Variants in DOP1A observed in about 807,000 individuals in gnomAD.
DOP1A encodes the protein DOP1 leucine zipper like protein A, also known as protein DOP1A.
A neutral mutation model predicts 267.6 loss-of-function variants in DOP1A; 90 were observed. That is an observed-to-expected ratio of 0.34 (90% CI 0.28 to 0.40). The LOEUF (loss-of-function observed/expected upper bound fraction) is 0.40, where lower values mean the gene tolerates loss of function less well. Ranked by LOEUF, DOP1A falls within the 10% of genes least tolerant of loss-of-function variation. The pLI is 1.00. For synonymous variants in DOP1A, 932 were observed against 999.1 expected, an observed-to-expected ratio of 0.93 and a Z score of 1.27; for missense variants, 2,437 against 2,900.4, an observed-to-expected ratio of 0.84 and a Z score of 3.67.
chr6:83,099,461 T>C (rs1333753510), intron 3 of DOP1A, among the ~76,000 whole-genome samples: 1 of 152,174 alleles, frequency 6.6e-6, no homozygotes, highest in Non-Finnish European at 1.5e-5. Context: ...CTAAAGAGTT[T>C]TGAAGAGTCT....
chr6:83,123,230 G>A (rs146748936), intron 12 of DOP1A, among the ~76,000 whole-genome samples: 11 of 141,502 alleles, frequency 7.8e-5, no homozygotes, highest in African/African-American at 2.1e-4. Flanking sequence ...AAAATTTTCC[G>A]TCTTCAGTCT....
intron 36 of DOP1A, 92 bp from the exon 37 acceptor site, chr6:83,159,704 A>G (rs746927310): frequency 2.2e-6 from 3 of 1,388,704 alleles, no homozygotes; most frequent in Non-Finnish European, 3.0e-6. Flanking sequence ...CAGGATGATT[A>G]TGAAAAATAT....
chr6:83,125,423 C>T (rs1421540017), intron 14 of DOP1A, 77 bp from the exon 15 acceptor site: 4 of 1,316,622 alleles, frequency 3.0e-6, no homozygotes, highest in South Asian at 1.3e-5. Flanking sequence ...AAATCATTGC[C>T]TATTTATATA....
At position 83,124,830 on chromosome 6, in the gene DOP1A, C is replaced by A; in HGVS notation, c.1455+11C>A. 1 of 1,590,094 alleles carries A rather than the reference C, an allele frequency of 6.3e-7. No individual in the cohort carries two copies. The highest frequency in any genetic ancestry group is 8.6e-7 in the Non-Finnish European group (1 of 1,161,146). On this transcript the variant is annotated intron_variant, in intron 13 of 38. Coordinates refer to ENST00000349129, the MANE Select transcript of DOP1A (RefSeq NM_015018.4). ...GACATAGTTTCTTTGGTAAGACCAC[C>A]TTGGTAAGAAAATATCAAGGAAATC... is the stretch of plus-strand genomic sequence containing the variant.
At position 83,167,855 on chromosome 6, in the gene DOP1A, T is replaced by C. The variant is rs1192951873; in HGVS notation, c.7093-7T>C. On this transcript the variant is annotated splice_polypyrimidine_tract_variant and splice_region_variant and intron_variant, in intron 38 of 38. Transcript: ENST00000349129. The stretch of plus-strand genomic sequence containing the variant: ...ATTAATACCAGTTCACTTTTTGTTT[T>C]CTGCAGAAAAATCCAGAGGAAGACA... 8 of 1,596,366 alleles carry C rather than the reference T, an allele frequency of 5.0e-6. No individual in the cohort carries two copies. The highest frequency in any genetic ancestry group is 2.2e-5 in the East Asian group (1 of 44,608).
chr6:83,129,514 G>T lies in DOP1A; in HGVS notation c.2341+6G>T. ...TTCTGAAAAATTGGAGACTGGTAAG[G>T]TCATCTCAGTTTTGCTTATATTTCA... On this transcript the variant is annotated splice_donor_region_variant and intron_variant, in intron 16 of 38. Coordinates refer to ENST00000349129, the MANE Select transcript of DOP1A (RefSeq NM_015018.4). The T allele has an allele frequency of 1.3e-6, 2 of 1,504,620 alleles. No homozygotes were observed. 93.2% of individuals were successfully genotyped at this position (1,504,620 alleles called of 1,614,324 possible). A position where few individuals can be genotyped will look rare whatever the true frequency, so the allele number is the denominator to read the frequency against.
At chr6:83,140,741 A>G (rs1047882898) in intron 23 of DOP1A, among the ~76,000 whole-genome samples, 1 of 152,052 alleles carries the variant, frequency 6.6e-6, no homozygotes, top group Admixed American at 6.6e-5. Context: ...TATTCTCTCC[A>G]TATATTGATT....
At chr6:83,158,172 T>G (rs2128390916) in intron 35 of DOP1A, among the ~76,000 whole-genome samples, 1 of 152,058 alleles carries the variant, frequency 6.6e-6, no homozygotes, top group East Asian at 1.9e-4. Context: ...CTAATTTTGT[T>G]TTGTATTTTT....
At chr6:83,127,580 A>G (rs1777393705) in intron 15 of DOP1A, among the ~76,000 whole-genome samples, 1 of 152,234 alleles carries the variant, frequency 6.6e-6, no homozygotes. Flanking sequence ...TGTATATTAG[A>G]AAAGTTACTC....
chr6:83,152,270 A>AATTT lies in DOP1A; in HGVS notation c.6050-18_6050-17insATTT. ...TCAGTGGGAATTAGCCATATCTTTA[A>AATTT]TTTTCTCTTATTTATAGATATGTTA... On this transcript the variant is annotated splice_polypyrimidine_tract_variant and intron_variant, in intron 29 of 38. Coordinates refer to ENST00000349129, the MANE Select transcript of DOP1A (RefSeq NM_015018.4). 6.8e-7 allele frequency: 1 copy of AATTT among 1,478,346 alleles called. No individual in the cohort carries two copies. Among genetic ancestry groups the AATTT allele is most frequent in the Non-Finnish European group, 9.2e-7 (1 of 1,084,120 alleles). 91.6% of individuals were successfully genotyped at this position (1,478,346 alleles called of 1,614,324 possible). A position where few individuals can be genotyped will look rare whatever the true frequency, so the allele number is the denominator to read the frequency against.
chr6:83,161,866 A>G lies in DOP1A; in HGVS notation c.6963-924A>G, dbSNP rs530133040. On this transcript the variant is annotated intron_variant, in intron 37 of 38. Transcript: ENST00000349129. ...TATTCTCAGATGTGCACAAAAATAA[A>G]TAAGCATTACTTAAGAGTATCCACT... is the stretch of plus-strand genomic sequence containing the variant. 1.2e-4 allele frequency among the ~76,000 whole-genome samples: 19 copies of G among 152,286 alleles called. No individual in the cohort carries two copies. In the East Asian group the frequency reaches 3.7e-3, roughly 29 times the overall value.
chr6:83,153,549 TGAAAA>T lies in DOP1A; in HGVS notation c.6170_6174del (p.Glu2057GlyfsTer25). 6.2e-7 allele frequency: 1 copy of T among 1,609,660 alleles called. No individual in the cohort carries two copies. Among genetic ancestry groups the T allele is most frequent in the Non-Finnish European group, 8.5e-7 (1 of 1,178,328 alleles). On this transcript the variant is annotated frameshift_variant, in exon 31 of 39. Transcript: ENST00000349129. LOFTEE classifies it high-confidence loss of function. ...TTTTGGATATGGTTTTCTATAGTGA[TGAAAA>T]GGAGCGGGTTATTCCTTTACTTGTA...
intron 35 of DOP1A, 67 bp downstream of exon 35, chr6:83,157,385 C>A (rs1783018689): frequency 2.0e-6 from 3 of 1,507,810 alleles, no homozygotes; most frequent in Non-Finnish European, 2.8e-6. Flanking sequence ...TTTCCATGTG[C>A]TTACTAGATA....
At chr6:83,169,714 A>T (rs1278986718), downstream of DOP1A, 3 of 459,334 alleles carry the variant, frequency 6.5e-6, no homozygotes, top group Non-Finnish European at 8.7e-6. Context: ...TCTGCAGGAA[A>T]GCTGCCAAAT....
intron 3 of DOP1A, 65 bp downstream of exon 3, chr6:83,097,180 G>A: frequency 6.6e-7 from 1 of 1,524,576 alleles, no homozygotes; most frequent in Non-Finnish European, 8.9e-7. Context: ...GTACTTGTTA[G>A]ATTTCTCGAA....
At chr6:83,166,627 A>T (rs919161562) in intron 38 of DOP1A, 78 of 863,556 alleles carry the variant, frequency 9.0e-5, no homozygotes, top group Non-Finnish European at 1.3e-4. Flanking sequence ...AATGTACTCC[A>T]ATATAAAACG....
chr6:83,140,588 A>G lies in DOP1A; in HGVS notation c.5415+185A>G, dbSNP rs116207992. On this transcript the variant is annotated intron_variant, in intron 23 of 38. Coordinates refer to ENST00000349129, the MANE Select transcript of DOP1A (RefSeq NM_015018.4). The stretch of plus-strand genomic sequence containing the variant: ...GAATTTGCCCATTTTTAAGTATACA[A>G]TTCAGTAATTTTTTTAGTAAATTTA... 5.4e-3 allele frequency among the ~76,000 whole-genome samples: 818 copies of G among 152,266 alleles called. 10 individuals carry two copies. The highest frequency in any genetic ancestry group is 0.019 in the African/African-American group (783 of 41,562).
rs1018549263 is a variant in DOP1A at position 83,068,061 on chromosome 6, A to AG, written c.-147+284dup. Among the ~76,000 whole-genome samples, 22 of 152,118 alleles carry AG rather than the reference A, an allele frequency of 1.4e-4. 2 individuals are homozygous for AG. Among genetic ancestry groups the AG allele is most frequent in the Middle Eastern group, 3.4e-3 (1 of 292 alleles). On this transcript the variant is annotated intron_variant, in intron 1 of 38. Coordinates refer to ENST00000349129, the MANE Select transcript of DOP1A (RefSeq NM_015018.4). ...GGCGGCCCCAGGTGAGGGAGGCCGG[A>AG]GGCGGGGCCGGGGAGCCGGGGACAG...
intron 24 of DOP1A, among the ~76,000 whole-genome samples, chr6:83,144,391 C>A (rs745819869): frequency 6.6e-6 from 1 of 151,996 alleles, no homozygotes; most frequent in Non-Finnish European, 1.5e-5. Context: ...GGAAAAGATA[C>A]AAATTAATTA....
Sources: allele counts gnomAD v4.1 joint callset (sites outside exome capture counted in the v4.1 genomes callset), GRCh38; gene constraint gnomAD v4.1.1; transcripts MANE v1.5; gene names NCBI Gene and HGNC (gene_info 2026-07-23, HGNC 2026-07-21).